GSE1: variants seen among roughly 807,000 people sequenced by gnomAD.
GSE1 encodes Gse1 coiled-coil protein.
In GSE1, 32 loss-of-function variants were observed where a neutral mutation model predicts 112.6. That is an observed-to-expected ratio of 0.28 (90% confidence interval 0.21 to 0.38). GSE1 has a LOEUF of 0.38. Ranked by LOEUF, GSE1 falls within the 10% of genes least tolerant of loss-of-function variation. The probability of loss-of-function intolerance (pLI) is 1.00; values close to 1 mark genes in which losing one functional copy is unlikely to be tolerated. For missense variants in GSE1, 2,348 were observed against 1,699.2 expected, an observed-to-expected ratio of 1.38 and a Z score of -6.71; for synonymous variants, 1,115 against 735.6, an observed-to-expected ratio of 1.52 and a Z score of -8.35.
chr16:85,643,521 G>C (rs1235772278), intron 2 of GSE1, among the ~76,000 whole-genome samples: 1 of 152,112 alleles, frequency 6.6e-6, no homozygotes, highest in African/African-American at 2.4e-5. Flanking sequence ...TCACCCACTG[G>C]TGCTTAGAAA....
chr16:85,521,316 A>G (rs1051822548), intron 2 of GSE1, among the ~76,000 whole-genome samples: 5 of 152,164 alleles, frequency 3.3e-5, no homozygotes, highest in Non-Finnish European at 7.3e-5. Context: ...CCTCGCGCTC[A>G]CCTTTGTAGA....
intron 2 of GSE1, among the ~76,000 whole-genome samples, chr16:85,545,864 G>T (rs543055957): frequency 3.3e-5 from 5 of 151,574 alleles, no homozygotes; most frequent in African/African-American, 1.2e-4. Context: ...CTCACTGCAA[G>T]CTCCGCCTCC....
intron 2 of GSE1, among the ~76,000 whole-genome samples, chr16:85,397,440 G>A (rs761091859): frequency 6.6e-6 from 1 of 152,214 alleles, no homozygotes; most frequent in African/African-American, 2.4e-5. Context: ...GTATCTCCTC[G>A]CATGGACCCT....
At chr16:85,211,211 G>T (rs965182325) in intron 1 of GSE1, among the ~76,000 whole-genome samples, 1 of 152,106 alleles carries the variant, frequency 6.6e-6, no homozygotes. Flanking sequence ...TTCTAGGGGG[G>T]TACCCAGCCC....
intron 3 of GSE1, 46 bp downstream of exon 3, chr16:85,648,797 GCTGGATTCA>G: frequency 8.5e-7 from 1 of 1,176,532 alleles, no homozygotes; most frequent in Non-Finnish European, 1.2e-6. Context: ...AAGTGGGGAG[GCTGGATTCA>G]GGCATCCATT....
chr16:85,260,084 A>G (rs1005789659), intron 1 of GSE1, among the ~76,000 whole-genome samples: 8 of 152,032 alleles, frequency 5.3e-5, no homozygotes, highest in Admixed American at 2.6e-4. Context: ...TGTGAGCCCC[A>G]CAGGACATAG....
intron 2 of GSE1, among the ~76,000 whole-genome samples, chr16:85,478,927 C>CCTTCCTTCCTTCCTTCCTTCCTT (rs2050578732): frequency 3.6e-5 from 1 of 28,046 alleles, no homozygotes; most frequent in African/African-American, 1.5e-4. Flanking sequence ...TTCTTTCTTT[C>CCTTCCTTCCTTCCTTCCTTCCTT]TCTTTCTTTC....
intron 1 of GSE1, among the ~76,000 whole-genome samples, chr16:85,234,775 G>T (rs1904419404): frequency 6.6e-6 from 1 of 152,214 alleles, no homozygotes; most frequent in African/African-American, 2.4e-5. Context: ...GCAGGGAGGA[G>T]CCGGCAGCCT....
intron 1 of GSE1, among the ~76,000 whole-genome samples, chr16:85,236,465 C>A (rs995098952): frequency 2.0e-5 from 3 of 152,198 alleles, no homozygotes; most frequent in African/African-American, 7.2e-5. Flanking sequence ...TAGGAATGAG[C>A]GGAGGCAAGC....
intron 2 of GSE1, among the ~76,000 whole-genome samples, chr16:85,430,156 G>A (rs538627555): frequency 6.6e-6 from 1 of 152,318 alleles, no homozygotes; most frequent in South Asian, 2.1e-4. Flanking sequence ...CCAGGGGCGA[G>A]GCTAGGAACG....
chr16:85,479,986 GCT>G (rs2050621024), intron 2 of GSE1, among the ~76,000 whole-genome samples: 1 of 152,240 alleles, frequency 6.6e-6, no homozygotes, highest in Non-Finnish European at 1.5e-5. Flanking sequence ...GACCCAAGGT[GCT>G]TGAGGCCACA....
chr16:85,385,080 C>T (rs1343725565), intron 2 of GSE1, among the ~76,000 whole-genome samples: 2 of 152,266 alleles, frequency 1.3e-5, no homozygotes, highest in Non-Finnish European at 2.9e-5. Flanking sequence ...GGCCCTGTTG[C>T]TCCGCCAGTC....
intron 2 of GSE1, among the ~76,000 whole-genome samples, chr16:85,426,902 G>A (rs1345213228): frequency 6.6e-6 from 1 of 152,194 alleles, no homozygotes; most frequent in African/African-American, 2.4e-5. Context: ...TGTCTGGTGA[G>A]GGTAGAACAG....
At chr16:85,551,399 G>A (rs1273539267), upstream of GSE1, among the ~76,000 whole-genome samples, 1 of 152,174 alleles carries the variant, frequency 6.6e-6, no homozygotes, top group Admixed American at 6.5e-5. Flanking sequence ...CAGAGGCAGG[G>A]GTGCTGCAGC....
At chr16:85,429,077 G>A (rs79007558) in intron 2 of GSE1, among the ~76,000 whole-genome samples, 2,688 of 152,322 alleles carry the variant, frequency 0.018, 67 homozygotes, top group African/African-American at 0.061. Flanking sequence ...GCCTCCGCAC[G>A]CTGCATCACT....
At chr16:85,476,967 C>G (rs1490185777) in intron 2 of GSE1, among the ~76,000 whole-genome samples, 1 of 141,014 alleles carries the variant, frequency 7.1e-6, no homozygotes, top group African/African-American at 2.7e-5. Flanking sequence ...GCTTTGTTGA[C>G]CAACTGGAGT....
intron 1 of GSE1, among the ~76,000 whole-genome samples, chr16:85,223,534 A>G (rs1165776986): frequency 6.6e-6 from 1 of 151,982 alleles, no homozygotes; most frequent in Non-Finnish European, 1.5e-5. Flanking sequence ...AAAAACAACA[A>G]CAAAAAAATT....
rs1178172743 is a variant in GSE1 at position 85,419,508 on chromosome 16, A to G, written c.2464+61865A>G. On this transcript the variant is annotated intron_variant, in intron 2 of 2. Transcript: ENST00000637419. The surrounding 1 kb of genome is among the most constrained non-coding windows in gnomAD (Gnocchi z 6.5). The stretch of plus-strand genomic sequence containing the variant: ...GTGGTCCTAGCTACTCGGGAGGCTG[A>G]GGTGGGAGGATCGCCTGACCCTGGG... Among the ~76,000 whole-genome samples, 1 of 151,826 alleles carries G rather than the reference A, an allele frequency of 6.6e-6. No homozygotes were observed. The highest frequency in any genetic ancestry group is 2.4e-5 in the African/African-American group (1 of 41,370).
intron 2 of GSE1, among the ~76,000 whole-genome samples, chr16:85,431,190 A>G (rs539484357): frequency 9.1e-4 from 138 of 152,306 alleles, no homozygotes; most frequent in African/African-American, 3.2e-3. Context: ...ATAGGGCGGC[A>G]GGCAACGTGA....
Sources: allele counts gnomAD v4.1 joint callset (sites outside exome capture counted in the v4.1 genomes callset), GRCh38; gene constraint gnomAD v4.1.1; non-coding constraint Gnocchi (gnomAD v3.1); transcripts MANE v1.5; gene names NCBI Gene and HGNC (gene_info 2026-07-23, HGNC 2026-07-21).